Variants in AK8 observed in about 807,000 individuals in gnomAD.
AK8 encodes ATP-AMP transphosphorylase 8.
Under a neutral mutation model 54.6 loss-of-function variants are expected in AK8, and 44 were observed. That is an observed-to-expected ratio of 0.81 (90% CI 0.63 to 1.04). The LOEUF (loss-of-function observed/expected upper bound fraction) is 1.04. Ranked by LOEUF, AK8 falls within the 50% of genes least tolerant of loss-of-function variation. The pLI is 0.00. For missense variants in AK8, 555 were observed against 613.6 expected, an observed-to-expected ratio of 0.90 and a Z score of 1.01; for synonymous variants, 239 against 245.6, an observed-to-expected ratio of 0.97 and a Z score of 0.25.
At chr9:132,750,078 G>C (rs1430698811) in intron 11 of AK8, among the ~76,000 whole-genome samples, 1 of 151,894 alleles carries the variant, frequency 6.6e-6, no homozygotes, top group Admixed American at 6.6e-5. Flanking sequence ...GGGAGGCCCT[G>C]ATGCATCAGG....
intron 1 of AK8, among the ~76,000 whole-genome samples, chr9:132,875,528 A>G (rs1844056055): frequency 6.6e-6 from 1 of 152,174 alleles, no homozygotes; most frequent in Non-Finnish European, 1.5e-5. Flanking sequence ...AAGCATCACC[A>G]TTCCCCTCAG....
At chr9:132,775,200 TG>T (rs1396985178) in intron 11 of AK8, among the ~76,000 whole-genome samples, 1 of 152,170 alleles carries the variant, frequency 6.6e-6, no homozygotes, top group African/African-American at 2.4e-5. Context: ...CAGGCTGGAC[TG>T]GGGGGCTCTT....
chr9:132,878,295 C>A, upstream of AK8: 1 of 1,329,056 alleles, frequency 7.5e-7, no homozygotes, highest in African/African-American at 1.5e-5. This position sits in a 1 kb window ranked among gnomAD's most constrained non-coding sequence, Gnocchi z 4.7. Flanking sequence ...AACCGCGTCG[C>A]TAGGGCCGCC....
In AK8 at chr9:132,826,301, C is replaced by T. The variant is rs903407386; in HGVS notation, c.757+553G>A. Reference sequence around the variant, plus strand: ...AGGTTGCTCAGCTCAGCCATCCCCGCACCTCGCACAGGCTGCCCGCAGTGG... The same window carrying T: ...AGGTTGCTCAGCTCAGCCATCCCCGTACCTCGCACAGGCTGCCCGCAGTGG... On this transcript the variant is annotated intron_variant, in intron 8 of 12. Transcript: ENST00000298545. This position sits in a 1 kb window ranked among gnomAD's most constrained non-coding sequence, Gnocchi z 4.5. Among the ~76,000 whole-genome samples the T allele has an allele frequency of 6.6e-6, 1 of 152,186 alleles. No homozygotes were observed. The highest frequency in any genetic ancestry group is 1.5e-5 in the Non-Finnish European group (1 of 68,038).
At chr9:132,733,318 C>T (rs894907729) in intron 11 of AK8, among the ~76,000 whole-genome samples, 2 of 152,190 alleles carry the variant, frequency 1.3e-5, no homozygotes, top group Admixed American at 6.5e-5. Flanking sequence ...ACGCGGCCCC[C>T]CTTGCACCCC....
upstream of AK8, chr9:132,878,937 G>C (rs1844286834): frequency 4.5e-6 from 1 of 224,102 alleles, no homozygotes. This position sits in a 1 kb window ranked among gnomAD's most constrained non-coding sequence, Gnocchi z 4.7. Context: ...CCCACCCTCC[G>C]GGGCACCGAC....
chr9:132,777,752 A>C (rs906269629), intron 11 of AK8, among the ~76,000 whole-genome samples: 11 of 152,200 alleles, frequency 7.2e-5, no homozygotes, highest in African/African-American at 2.4e-4. Flanking sequence ...GTTGTGAACT[A>C]TCAGGAAGCT....
Position 132,750,197 on chromosome 9 carries a change from C to A in AK8, c.1122-22663G>T, listed in dbSNP as rs938063789. Among the ~76,000 whole-genome samples, 3 of 151,942 alleles carry A rather than the reference C, an allele frequency of 2.0e-5. No homozygotes were observed. The East Asian group carries it at 5.8e-4, about 29-fold the overall frequency. On this transcript the variant is annotated intron_variant, in intron 11 of 12. Coordinates refer to ENST00000298545, the MANE Select transcript of AK8 (RefSeq NM_152572.3). ...GCAATGGTGCGATCTCGGCTCACTGCAACCTCCGCCTCCTGGGTTCAAGCG... is the reference window on the plus strand; with the variant it reads ...GCAATGGTGCGATCTCGGCTCACTGAAACCTCCGCCTCCTGGGTTCAAGCG...
chr9:132,740,148 C>T (rs7039479), intron 11 of AK8, among the ~76,000 whole-genome samples: 125,302 of 152,254 alleles, frequency 0.82, 51,653 homozygotes, highest in Admixed American at 0.89. Flanking sequence ...ACAGCAGCCC[C>T]CTAAGGCGGA....
At chr9:132,742,083 A>G (rs1288530864) in intron 11 of AK8, among the ~76,000 whole-genome samples, 2 of 152,100 alleles carry the variant, frequency 1.3e-5, no homozygotes, top group African/African-American at 4.8e-5. Flanking sequence ...ATGGATCAGA[A>G]CTTCATTCCT....
At chr9:132,798,956 A>C (rs1342828081) in intron 10 of AK8, among the ~76,000 whole-genome samples, 3 of 152,180 alleles carry the variant, frequency 2.0e-5, no homozygotes, top group Non-Finnish European at 2.9e-5. Context: ...CCTCCCGCAC[A>C]GCAGTTCCAC....
intron 10 of AK8, among the ~76,000 whole-genome samples, chr9:132,801,889 C>T (rs988932515): frequency 6.6e-6 from 1 of 152,236 alleles, no homozygotes; most frequent in Non-Finnish European, 1.5e-5. Context: ...CATGGCCATA[C>T]AGCTCACAGG....
chr9:132,860,787 G>A lies in AK8; in HGVS notation c.333+2878C>T, dbSNP rs946972959. Among the ~76,000 whole-genome samples the A allele has an allele frequency of 5.3e-5, 8 of 152,188 alleles. No homozygotes were observed. The highest frequency in any genetic ancestry group is 1.2e-4 in the Non-Finnish European group (8 of 68,030). On this transcript the variant is annotated intron_variant, in intron 4 of 12. Coordinates refer to ENST00000298545, the MANE Select transcript of AK8 (RefSeq NM_152572.3). The surrounding 1 kb of genome is among the most constrained non-coding windows in gnomAD (Gnocchi z 4.4). ...AGCCTGGCACAGCAGGTGGCTTCCC[G>A]GGTGGGCTCTTGCAGGTCATGGGTT...
intron 11 of AK8, among the ~76,000 whole-genome samples, chr9:132,765,765 C>T (rs1838701041): frequency 6.6e-6 from 1 of 152,184 alleles, no homozygotes; most frequent in East Asian, 1.9e-4. Flanking sequence ...AGCTTTTCCT[C>T]TAATAACTGG....
intron 5 of AK8, among the ~76,000 whole-genome samples, chr9:132,848,390 G>C (rs181325130): frequency 6.6e-6 from 1 of 152,228 alleles, no homozygotes; most frequent in Non-Finnish European, 1.5e-5. Flanking sequence ...CTTAAAAATA[G>C]TGACCGACTG....
rs998333599 is a variant in AK8, at chr9:132,869,378, G to A, written c.170-2425C>T. ...TGCCCATGATGCTGCTGTCACATGT[G>A]GGCATGGTGCCGCCATCAACCATGC... On this transcript the variant is annotated intron_variant, in intron 2 of 12. Transcript: ENST00000298545. Among the ~76,000 whole-genome samples the A allele has an allele frequency of 3.3e-5, 5 of 152,246 alleles. 1 individual carries two copies. The highest frequency in any genetic ancestry group is 1.9e-4 in the East Asian group (1 of 5,174).
chr9:132,804,558 C>T (rs1329518439), intron 10 of AK8, among the ~76,000 whole-genome samples: 1 of 151,928 alleles, frequency 6.6e-6, no homozygotes, highest in Non-Finnish European at 1.5e-5. Context: ...ACAGGCTCTT[C>T]CCAGGGAGGG....
chr9:132,794,403 G>A (rs570557371), intron 10 of AK8, among the ~76,000 whole-genome samples: 22 of 152,182 alleles, frequency 1.4e-4, no homozygotes, highest in East Asian at 1.2e-3. Flanking sequence ...TCCTCCATCC[G>A]GAACACCCTT....
chr9:132,754,253 G>C (rs957230406), intron 11 of AK8, among the ~76,000 whole-genome samples: 1 of 152,224 alleles, frequency 6.6e-6, no homozygotes, highest in African/African-American at 2.4e-5. Context: ...AGCAAGCACA[G>C]AGATGTATTT....
Sources: gnomAD v4.1 joint callset for allele counts (sites outside exome capture counted in the v4.1 genomes callset) on GRCh38, gnomAD v4.1.1 for gene constraint, Gnocchi (gnomAD v3.1) non-coding constraint, MANE v1.5 for transcripts, NCBI Gene and HGNC (gene_info 2026-07-23, HGNC 2026-07-21) for gene names.